Variants in GALNT18 observed in about 807,000 individuals in gnomAD.
GALNT18 encodes GalNAc-transferase 18.
A neutral mutation model predicts 69.5 loss-of-function variants in GALNT18; 44 were observed. That is an observed-to-expected ratio of 0.63 (90% CI 0.50 to 0.81). The LOEUF (loss-of-function observed/expected upper bound fraction) is 0.81. Ranked by LOEUF, GALNT18 falls within the 40% of genes least tolerant of loss-of-function variation. GALNT18 has a pLI of 0.00. For synonymous variants in GALNT18, 364 were observed against 318.2 expected, an observed-to-expected ratio of 1.14 and a Z score of -1.53; for missense variants, 715 against 810.0, an observed-to-expected ratio of 0.88 and a Z score of 1.42.
At chr11:11,516,901 T>G (rs1050003737) in intron 1 of GALNT18, among the ~76,000 whole-genome samples, 1 of 152,214 alleles carries the variant, frequency 6.6e-6, no homozygotes, top group African/African-American at 2.4e-5. Flanking sequence ...ATGGACTGAA[T>G]GTATATGAAC....
chr11:11,486,440 TGAG>T (rs890759556), intron 1 of GALNT18, among the ~76,000 whole-genome samples: 1 of 152,196 alleles, frequency 6.6e-6, no homozygotes, highest in Non-Finnish European at 1.5e-5. Context: ...GGGGCAGAGA[TGAG>T]GAGTAGATCT....
chr11:11,405,761 C>T (rs1468705248), intron 3 of GALNT18, among the ~76,000 whole-genome samples: 5 of 152,174 alleles, frequency 3.3e-5, no homozygotes, highest in Admixed American at 6.5e-5. Context: ...AGCAAGTTCA[C>T]GTTTCCTGAG....
At chr11:11,275,164 G>T (rs1315830880) in intron 10 of GALNT18, among the ~76,000 whole-genome samples, 3 of 152,236 alleles carry the variant, frequency 2.0e-5, no homozygotes, top group Admixed American at 2.0e-4. Flanking sequence ...CCCACCAACA[G>T]TGTAAAAGTG....
rs1214014440 is a variant in GALNT18, at chr11:11,564,103, C to T, written c.235+57256G>A. ...AGAGCCCAGTGAGTTACGTACTGAT[C>T]TTAACCCCATTTTACAGTTGAAGGA... On this transcript the variant is annotated intron_variant, in intron 1 of 10. Transcript: ENST00000227756. This position sits in a 1 kb window ranked among gnomAD's most constrained non-coding sequence, Gnocchi z 4.3. 1.3e-5 allele frequency among the ~76,000 whole-genome samples: 2 copies of T among 152,166 alleles called. No individual in the cohort carries two copies. The highest frequency in any genetic ancestry group is 3.8e-4 in the East Asian group (2 of 5,202).
In GALNT18 at chr11:11,538,254, G is replaced by C. The variant is rs888885518; in HGVS notation, c.235+83105C>G. On this transcript the variant is annotated intron_variant, in intron 1 of 10. Coordinates refer to ENST00000227756, the MANE Select transcript of GALNT18 (RefSeq NM_198516.3). The surrounding 1 kb of genome is among the most constrained non-coding windows in gnomAD (Gnocchi z 5.2). Reference sequence around the variant, plus strand: ...GTTCTGAGCTCAAGGTCAGTGTTGCGAACAGCCCGCCCTGCCACCACCATC... The same window carrying C: ...GTTCTGAGCTCAAGGTCAGTGTTGCCAACAGCCCGCCCTGCCACCACCATC... 1.3e-5 allele frequency among the ~76,000 whole-genome samples: 2 copies of C among 152,144 alleles called. No homozygotes were observed. Among genetic ancestry groups the C allele is most frequent in the African/African-American group, 4.8e-5 (2 of 41,434 alleles).
Position 11,600,333 on chromosome 11 carries a change from T to C in GALNT18, c.235+21026A>G, listed in dbSNP as rs1433639413. On this transcript the variant is annotated intron_variant, in intron 1 of 10. Coordinates refer to ENST00000227756, the MANE Select transcript of GALNT18 (RefSeq NM_198516.3). The surrounding 1 kb of genome is among the most constrained non-coding windows in gnomAD (Gnocchi z 4.8). ...GTAAGATGGACCTGATAACAACAAA[T>C]TCTGTTTTTGTTTTTCTGGTAATGA... 3.9e-5 allele frequency among the ~76,000 whole-genome samples: 6 copies of C among 152,070 alleles called. No individual in the cohort carries two copies. The highest frequency in any genetic ancestry group is 1.2e-4 in the African/African-American group (5 of 41,442).
At position 11,432,687 on chromosome 11, in the gene GALNT18, C is replaced by G. The variant is rs1229795895; in HGVS notation, c.529G>C (p.Ala177Pro). The G allele has an allele frequency of 6.2e-7, 1 of 1,613,438 alleles. No individual in the cohort carries two copies. Residue 177 changes from alanine to proline, a missense_variant, in exon 3 of 11, where the codon GCC becomes CCC. Coordinates refer to ENST00000227756, the MANE Select transcript of GALNT18 (RefSeq NM_198516.3). This position sits in a 1 kb window ranked among gnomAD's most constrained non-coding sequence, Gnocchi z 5.8. ...LSVLLRSIHS[A>P]MERTPPHLLK... is the part of the protein sequence containing the mutation. ...AGATGTGGGGGCGTGCGTTCCATGGCCGAGTGGATGGAGCGCAGCAGCACT... is the reference window on the plus strand; with the variant it reads ...AGATGTGGGGGCGTGCGTTCCATGGGCGAGTGGATGGAGCGCAGCAGCACT...
At chr11:11,325,753 A>T (rs913708159) in intron 9 of GALNT18, among the ~76,000 whole-genome samples, 1 of 152,176 alleles carries the variant, frequency 6.6e-6, no homozygotes, top group Admixed American at 6.5e-5. Context: ...TAAAAATGCC[A>T]CACCATTGTT....
intron 1 of GALNT18, among the ~76,000 whole-genome samples, chr11:11,574,452 C>T (rs1858871912): frequency 6.6e-6 from 1 of 152,210 alleles, no homozygotes; most frequent in Non-Finnish European, 1.5e-5. Context: ...AAGAACCTCC[C>T]TCAATTCTTA....
chr11:11,281,168 A>G (rs1327877062), intron 10 of GALNT18, among the ~76,000 whole-genome samples: 1 of 152,124 alleles, frequency 6.6e-6, no homozygotes, highest in Non-Finnish European at 1.5e-5. Flanking sequence ...CTAATTTGCA[A>G]GATCTGTTGG....
At position 11,444,205 on chromosome 11, in the gene GALNT18, C is replaced by A. The variant is rs894259281; in HGVS notation, c.428+4539G>T. Among the ~76,000 whole-genome samples, 1 of 152,072 alleles carries A rather than the reference C, an allele frequency of 6.6e-6. No individual in the cohort carries two copies. The highest frequency in any genetic ancestry group is 2.4e-5 in the African/African-American group (1 of 41,418). ...AGAGGTGCCTTGCAGATGCCACCCTCCAGGCCCCGCCTCCCTGCCACAGAG... is the reference window on the plus strand; with the variant it reads ...AGAGGTGCCTTGCAGATGCCACCCTACAGGCCCCGCCTCCCTGCCACAGAG... On this transcript the variant is annotated intron_variant, in intron 2 of 10. Coordinates refer to ENST00000227756, the MANE Select transcript of GALNT18 (RefSeq NM_198516.3). This position sits in a 1 kb window ranked among gnomAD's most constrained non-coding sequence, Gnocchi z 4.4.
intron 1 of GALNT18, among the ~76,000 whole-genome samples, chr11:11,451,225 C>A (rs146375307): frequency 1.0e-3 from 155 of 152,164 alleles, no homozygotes; most frequent in African/African-American, 3.6e-3. Flanking sequence ...CTTGAAGGTC[C>A]TTGTTATCTC....
chr11:11,471,719 C>T (rs971714515), intron 1 of GALNT18, among the ~76,000 whole-genome samples: 9 of 152,062 alleles, frequency 5.9e-5, no homozygotes, highest in Non-Finnish European at 7.4e-5. Flanking sequence ...AATTTTGTTA[C>T]CTGCCTGGGG....
At position 11,613,443 on chromosome 11, in the gene GALNT18, C is replaced by T. The variant is rs1859962162; in HGVS notation, c.235+7916G>A. Among the ~76,000 whole-genome samples the T allele has an allele frequency of 6.6e-6, 1 of 152,124 alleles. No individual in the cohort carries two copies. The highest frequency in any genetic ancestry group is 1.5e-5 in the Non-Finnish European group (1 of 68,026). On this transcript the variant is annotated intron_variant, in intron 1 of 10. Transcript: ENST00000227756. The surrounding 1 kb of genome is among the most constrained non-coding windows in gnomAD (Gnocchi z 4.2). Reference sequence around the variant, plus strand: ...AAGGGATTTCAAGGTTGTTACATTCCCTTGCATACTAATATGCCTTCTCAA... The same window carrying T: ...AAGGGATTTCAAGGTTGTTACATTCTCTTGCATACTAATATGCCTTCTCAA...
intron 1 of GALNT18, among the ~76,000 whole-genome samples, chr11:11,489,522 C>T (rs980761555): frequency 6.6e-6 from 1 of 152,182 alleles, no homozygotes; most frequent in Non-Finnish European, 1.5e-5. Context: ...ATCTCCTTGG[C>T]AGGTCGCTCC....
In GALNT18 at chr11:11,604,944, G is replaced by A. The variant is rs1350295473; in HGVS notation, c.235+16415C>T. Among the ~76,000 whole-genome samples, 1 of 151,986 alleles carries A rather than the reference G, an allele frequency of 6.6e-6. No homozygotes were observed. The highest frequency in any genetic ancestry group is 2.4e-5 in the African/African-American group (1 of 41,412). On this transcript the variant is annotated intron_variant, in intron 1 of 10. Coordinates refer to ENST00000227756, the MANE Select transcript of GALNT18 (RefSeq NM_198516.3). The surrounding 1 kb of genome is among the most constrained non-coding windows in gnomAD (Gnocchi z 5.6). ...TATTGCTCCTGGCCGTGAGTCTGCG[G>A]AGGTAAAAAAAAAGAATGGAATAGT...
At chr11:11,460,402 T>C (rs565511598) in intron 1 of GALNT18, among the ~76,000 whole-genome samples, 88 of 152,306 alleles carry the variant, frequency 5.8e-4, no homozygotes, top group African/African-American at 2.0e-3. Context: ...AACACTACTC[T>C]GAGCAAAATG....
intron 3 of GALNT18, among the ~76,000 whole-genome samples, chr11:11,419,959 T>C (rs1418702531): frequency 1.3e-5 from 2 of 152,120 alleles, no homozygotes; most frequent in East Asian, 1.9e-4. Flanking sequence ...TTGCAGAGCC[T>C]TGGGCCTGGT....
intron 7 of GALNT18, among the ~76,000 whole-genome samples, chr11:11,334,908 G>A (rs1850084009): frequency 6.6e-6 from 1 of 152,138 alleles, no homozygotes; most frequent in Admixed American, 6.5e-5. Flanking sequence ...ACAGGAACTG[G>A]CAGTAGATGT....
Sources: gnomAD v4.1 joint callset for allele counts (sites outside exome capture counted in the v4.1 genomes callset) on GRCh38, gnomAD v4.1.1 for gene constraint, Gnocchi (gnomAD v3.1) non-coding constraint, MANE v1.5 for transcripts, NCBI Gene and HGNC (gene_info 2026-07-23, HGNC 2026-07-21) for gene names.